Variants in BMPR1A observed in about 807,000 individuals in gnomAD.
BMPR1A encodes bone morphogenetic protein receptor type-1A.
A neutral mutation model predicts 66.0 loss-of-function variants in BMPR1A; 7 were observed. That is an observed-to-expected ratio of 0.11 (90% CI 0.06 to 0.20). The LOEUF (loss-of-function observed/expected upper bound fraction) is 0.20. Ranked by LOEUF, BMPR1A falls within the 10% of genes least tolerant of loss-of-function variation. The pLI, the probability that BMPR1A is intolerant of heterozygous loss-of-function variation, is 1.00. For synonymous variants in BMPR1A, 200 were observed against 229.7 expected (o/e 0.87, Z 1.17); for missense variants, 408 against 669.1 (o/e 0.61, Z 4.31).
chr10:86,870,151 C>T (rs1001006429), intron 2 of BMPR1A, among the ~76,000 whole-genome samples: 4 of 152,186 alleles, frequency 2.6e-5, no homozygotes, highest in Non-Finnish European at 2.9e-5. Context: ...AAGGCCATCT[C>T]CAGAGTCATA....
At chr10:86,860,769 CA>C (rs772036957) in intron 2 of BMPR1A, among the ~76,000 whole-genome samples, 2,572 of 79,636 alleles carry the variant, frequency 0.032, 25 homozygotes, top group South Asian at 0.081. Flanking sequence ...GACTCCATAT[CA>C]AAAAAAAAAA....
chr10:86,872,849 G>C (rs1374402458), intron 2 of BMPR1A, among the ~76,000 whole-genome samples: 4 of 152,030 alleles, frequency 2.6e-5, no homozygotes, highest in African/African-American at 4.8e-5. Flanking sequence ...GGAATTTCTG[G>C]GCTCAAGTGA....
At position 86,756,767 on chromosome 10, in the gene BMPR1A, G is replaced by C; in HGVS notation, c.-420G>C. 1 of 151,208 alleles carries C rather than the reference G, an allele frequency of 6.6e-6. No individual in the cohort carries two copies. The highest frequency in any genetic ancestry group is 1.5e-5 in the Non-Finnish European group (1 of 67,662). 9.4% of individuals were successfully genotyped at this position (151,208 alleles called of 1,614,324 possible). On this transcript the variant is annotated 5_prime_UTR_variant, in exon 1 of 13. Coordinates refer to ENST00000372037, the MANE Select transcript of BMPR1A (RefSeq NM_004329.3). ...AGGCTCGGCGCGTCCGTCCGCGCGC[G>C]GCGAAGATCGCACGGCCCGATCGAG...
intron 1 of BMPR1A, among the ~76,000 whole-genome samples, chr10:86,781,857 C>CTTTTTTTTTT (rs1162095658): frequency 3.6e-5 from 3 of 84,238 alleles, no homozygotes; most frequent in Admixed American, 1.7e-4. Context: ...GACAGGATTT[C>CTTTTTTTTTT]TTTTTTTTTT....
At chr10:86,853,703 C>T (rs1350148051) in intron 2 of BMPR1A, among the ~76,000 whole-genome samples, 5 of 152,018 alleles carry the variant, frequency 3.3e-5, no homozygotes, top group Non-Finnish European at 4.4e-5. Context: ...TCCGTGATGC[C>T]CCACAAGCCG....
chr10:86,811,280 C>T (rs1203027390), intron 1 of BMPR1A, among the ~76,000 whole-genome samples: 1 of 152,152 alleles, frequency 6.6e-6, no homozygotes, highest in Admixed American at 6.5e-5. Context: ...TTCAAGTGAT[C>T]CACCCGCCTC....
chr10:86,931,365 G>A (rs558058294), downstream of BMPR1A: 2 of 146,710 alleles, frequency 1.4e-5, no homozygotes, highest in East Asian at 4.3e-4. Context: ...TTTAATGGAA[G>A]AGCCATTTTT....
intron 7 of BMPR1A, among the ~76,000 whole-genome samples, chr10:86,905,127 G>A (rs536187914): frequency 2.0e-5 from 3 of 152,166 alleles, no homozygotes; most frequent in South Asian, 2.1e-4. Flanking sequence ...TGATGTGATC[G>A]TTTTCCTCCA....
Position 86,852,120 on chromosome 10 carries a change from T to TAA in BMPR1A, c.-153+13154_-153+13155dup, listed in dbSNP as rs527829936. Among the ~76,000 whole-genome samples, 144 of 142,934 alleles carry TAA rather than the reference T, an allele frequency of 1.0e-3. 1 individual carries two copies. The highest frequency in any genetic ancestry group is 3.5e-3 in the Middle Eastern group (1 of 282). The allele number at this position is 142,934 out of a possible 152,430, so 93.8% of individuals were successfully genotyped here. On this transcript the variant is annotated intron_variant, in intron 2 of 12. Transcript: ENST00000372037. ...AGTCTGAAATACCCCTCACAACTGT[T>TAA]AAAAAAAAAAAAAAGTTCTTTCAAG... is the stretch of plus-strand genomic sequence containing the variant.
At chr10:86,908,657 G>A (rs1348714848) in intron 7 of BMPR1A, among the ~76,000 whole-genome samples, 1 of 152,190 alleles carries the variant, frequency 6.6e-6, no homozygotes, top group East Asian at 1.9e-4. Flanking sequence ...CACTGTCTAT[G>A]TTCTTGTTCC....
intron 1 of BMPR1A, among the ~76,000 whole-genome samples, chr10:86,793,082 C>T (rs893866103): frequency 2.7e-5 from 4 of 150,372 alleles, no homozygotes; most frequent in Non-Finnish European, 5.9e-5. Flanking sequence ...TTTTTTCATC[C>T]TCCTGATCTA....
At chr10:86,866,690 A>ATT (rs1273441245) in intron 2 of BMPR1A, among the ~76,000 whole-genome samples, 7 of 136,884 alleles carry the variant, frequency 5.1e-5, no homozygotes, top group African/African-American at 1.6e-4. Flanking sequence ...TTTGCGCTTC[A>ATT]TTTTTTTTTT....
rs188106948 is a variant in BMPR1A, at chr10:86,927,551, G to A, written c.*3832G>A. 9 of 200,744 alleles carry A rather than the reference G, an allele frequency of 4.5e-5. No individual in the cohort carries two copies. The highest frequency in any genetic ancestry group is 2.1e-4 in the African/African-American group (9 of 43,588). The allele number at this position is 200,744 out of a possible 1,614,324, so 12.4% of individuals were successfully genotyped here. ...AGCATCCTGTGAAGCCACGTGTAAT[G>A]ATGGTCCCATAAGGAAAGTATGTGA... is the stretch of plus-strand genomic sequence containing the variant. On this transcript the variant is annotated 3_prime_UTR_variant, in exon 13 of 13. Transcript: ENST00000372037.
intron 2 of BMPR1A, among the ~76,000 whole-genome samples, chr10:86,846,741 C>T (rs1405127504): frequency 6.6e-6 from 1 of 152,062 alleles, no homozygotes; most frequent in Non-Finnish European, 1.5e-5. Context: ...ACCACACACC[C>T]ACTTGCTTCT....
chr10:86,860,265 G>A (rs1429702021), intron 2 of BMPR1A, among the ~76,000 whole-genome samples: 1 of 152,060 alleles, frequency 6.6e-6, no homozygotes, highest in Non-Finnish European at 1.5e-5. Context: ...TATCTATCAT[G>A]GAAATACTTC....
chr10:86,846,764 A>AC (rs1842490868), intron 2 of BMPR1A, among the ~76,000 whole-genome samples: 2 of 152,268 alleles, frequency 1.3e-5, no homozygotes, highest in South Asian at 4.1e-4. Context: ...AGAGAAACCT[A>AC]GAACTCCTGG....
At chr10:86,892,309 C>G (rs2133409863) in intron 5 of BMPR1A, 80 bp downstream of exon 5, 3 of 1,102,580 alleles carry the variant, frequency 2.7e-6, no homozygotes, top group Non-Finnish European at 4.1e-6. Context: ...GAGAAACATG[C>G]CTGGTGTACA....
At chr10:86,854,961 GAGTCT>G (rs1413439348) in intron 2 of BMPR1A, 1 of 166,722 alleles carries the variant, frequency 6.0e-6, no homozygotes, top group African/African-American at 2.6e-5. Flanking sequence ...TTTTGAGACA[GAGTCT>G]CCCTCTGTTG....
At chr10:86,812,962 C>T (rs1271615623) in intron 1 of BMPR1A, among the ~76,000 whole-genome samples, 1 of 152,152 alleles carries the variant, frequency 6.6e-6, no homozygotes, top group Non-Finnish European at 1.5e-5. Flanking sequence ...GTGCTTTCTG[C>T]CTATTTATCG....
Sources: allele counts gnomAD v4.1 joint callset (sites outside exome capture counted in the v4.1 genomes callset), GRCh38; gene constraint gnomAD v4.1.1; transcripts MANE v1.5; gene names NCBI Gene and HGNC (gene_info 2026-07-23, HGNC 2026-07-21).